The following TMEM151B variants were observed in gnomAD, a reference collection of about 807,000 sequenced individuals.
TMEM151B encodes transmembrane protein 151B.
A neutral mutation model predicts 33.0 loss-of-function variants in TMEM151B; 18 were observed. That is an observed-to-expected ratio of 0.55 (90% CI 0.38 to 0.81). The LOEUF is 0.81. Among genes scored for constraint, TMEM151B ranks in the 30% least tolerant of loss-of-function variants. The pLI, the probability that TMEM151B is intolerant of heterozygous loss-of-function variation, is 0.00. For synonymous variants in TMEM151B, 354 were observed against 373.6 expected (o/e 0.95, Z 0.61); for missense variants, 672 against 843.4 (o/e 0.80, Z 2.52).
chr6:44,273,454 G>A lies in TMEM151B; in HGVS notation c.524G>A (p.Arg175His), dbSNP rs992986941. The A allele has an allele frequency of 4.5e-6, 7 of 1,550,626 alleles. No individual in the cohort carries two copies. Among genetic ancestry groups the A allele is most frequent in the African/African-American group, 1.4e-5 (1 of 73,066 alleles). The change falls in exon 2 of 3, where the codon CGC (arginine) becomes CAC (histidine). Residue 175 changes from arginine (R) to histidine (H), a missense_variant. Physicochemically the swap from Arg to His is conservative, Grantham distance 29. Coordinates refer to ENST00000451188, the MANE Select transcript of TMEM151B (RefSeq NM_001137560.2). ...WKAISYHYVR[R>H]TRQVTRYRNG... Reference sequence around the variant, plus strand: ...GCCATCAGCTACCACTATGTCCGCCGCACCCGCCAGGTCACCAGATACCGC... The same window carrying A: ...GCCATCAGCTACCACTATGTCCGCCACACCCGCCAGGTCACCAGATACCGC...
rs1782629949 is a variant in TMEM151B at position 44,277,273 on chromosome 6, AGT to A, written c.*748_*749del. Reference sequence around the variant, plus strand: ...TCCTGCAGAGCTGTTGCCAGGGTGCAGTGGGGAGGGGAGTGAAATGTGGAGGA... The same window carrying A: ...TCCTGCAGAGCTGTTGCCAGGGTGCAGGGGAGGGGAGTGAAATGTGGAGGA... On this transcript the variant is annotated 3_prime_UTR_variant, in exon 3 of 3. Transcript: ENST00000451188. The A allele has an allele frequency of 6.6e-6, 1 of 152,354 alleles. No individual in the cohort carries two copies. The highest frequency in any genetic ancestry group is 2.4e-5 in the African/African-American group (1 of 41,472). 9.4% of individuals were successfully genotyped at this position (152,354 alleles called of 1,614,324 possible). A position where few individuals can be genotyped will look rare whatever the true frequency, so the allele number is the denominator to read the frequency against.
At position 44,276,363 on chromosome 6, in the gene TMEM151B, A is replaced by T. The variant is rs1333703776; in HGVS notation, c.1537A>T (p.Met513Leu). ...GACGCGGCTGTCCAGCCAGGCCAGC[A>T]TGGGGGACGACGAGGACGACGACGA... ...EQTRLSSQAS[M>L]GDDEDDDEEE... The change falls in exon 3 of 3, where the codon ATG (methionine) becomes TTG (leucine). Residue 513 changes from methionine (M) to leucine (L), a missense_variant. Met to Leu is a conservative substitution (Grantham distance 15). Coordinates refer to ENST00000451188, the MANE Select transcript of TMEM151B (RefSeq NM_001137560.2). 1 of 1,510,218 alleles carries T rather than the reference A, an allele frequency of 6.6e-7. No individual in the cohort carries two copies. Among genetic ancestry groups the T allele is most frequent in the African/African-American group, 1.4e-5 (1 of 70,476 alleles). The allele number at this position is 1,510,218 out of a possible 1,614,324, so 93.6% of individuals were successfully genotyped here.
chr6:44,276,068 C>T lies in TMEM151B; in HGVS notation c.1242C>T (p.Arg414=). ...GCGGCGGCTACGCGCCCTCGTGCCG[C>T]TACGGTGGGGTAGGCGGCCCGGGCG... ...GAGGGYAPSC[R]YGGVGGPGAA... The change falls in exon 3 of 3, where the codon CGC becomes CGT. Residue 414 remains arginine (R), a synonymous_variant. Transcript: ENST00000451188. The T allele has an allele frequency of 1.5e-6, 2 of 1,335,600 alleles. No homozygotes were observed. The allele number at this position is 1,335,600 out of a possible 1,614,324, so 82.7% of individuals were successfully genotyped here.
chr6:44,271,774 T>A (rs558397844), intron 1 of TMEM151B, among the ~76,000 whole-genome samples: 135 of 152,308 alleles, frequency 8.9e-4, no homozygotes, highest in Admixed American at 2.0e-3. Flanking sequence ...CAGGGACCGA[T>A]GCCTATTACT....
chr6:44,279,130 C>T lies in TMEM151B; in HGVS notation c.*2603C>T, dbSNP rs1231510445. 1 of 152,328 alleles carries T rather than the reference C, an allele frequency of 6.6e-6. No individual in the cohort carries two copies. The highest frequency in any genetic ancestry group is 2.4e-5 in the African/African-American group (1 of 41,462). 9.4% of individuals were successfully genotyped at this position (152,328 alleles called of 1,614,324 possible). A position where few individuals can be genotyped will look rare whatever the true frequency, so the allele number is the denominator to read the frequency against. ...TGGAGGCTCTGGGCCAATGAATCAG[C>T]CCAAGGAGGATGGGCAATGGCGCTC... On this transcript the variant is annotated 3_prime_UTR_variant, in exon 3 of 3. Coordinates refer to ENST00000451188, the MANE Select transcript of TMEM151B (RefSeq NM_001137560.2).
chr6:44,275,866 G>T lies in TMEM151B; in HGVS notation c.1040G>T (p.Gly347Val). The change falls in exon 3 of 3, where the codon GGC becomes GTC. Residue 347 changes from glycine (G) to valine (V), a missense_variant. Transcript: ENST00000451188. ...GPGSASSAGG[G>V]LSPSDELLPP... ...GGCTCGGCCAGCAGCGCAGGCGGTG[G>T]CCTCAGCCCCAGCGATGAGCTGCTG... 1 of 1,541,234 alleles carries T rather than the reference G, an allele frequency of 6.5e-7. No individual in the cohort carries two copies.
rs1267430513 is a variant in TMEM151B at position 44,273,290 on chromosome 6, G to A, written c.360G>A (p.Leu120=). The A allele has an allele frequency of 8.4e-6, 13 of 1,551,672 alleles. No individual in the cohort carries two copies. In the East Asian group the frequency reaches 2.9e-4, roughly 35 times the overall value. ...ATGTCTACATCCCCCTGGCCTTCCTGCTCATGTTGTACGCCGTCTACCTGG... is the reference window on the plus strand; with the variant it reads ...ATGTCTACATCCCCCTGGCCTTCCTACTCATGTTGTACGCCGTCTACCTGG... ...NGYVYIPLAF[L]LMLYAVYLVE... Residue 120 remains leucine, a synonymous_variant, in exon 2 of 3, where the codon CTG becomes CTA. Transcript: ENST00000451188.
chr6:44,276,502 G>T lies in TMEM151B; in HGVS notation c.1676G>T (p.Gly559Val). 7.1e-7 allele frequency: 1 copy of T among 1,413,984 alleles called. No individual in the cohort carries two copies. The highest frequency in any genetic ancestry group is 9.3e-7 in the Non-Finnish European group (1 of 1,079,678). The allele number at this position is 1,413,984 out of a possible 1,614,324, so 87.6% of individuals were successfully genotyped here. A position where few individuals can be genotyped will look rare whatever the true frequency, so the allele number is the denominator to read the frequency against. ...AGCCACCGGCCGCTGCACCGCCACG[G>T]CTCCTGCGTAGAGACCTCACTGTGA... ...GHSHRPLHRH[G>V]SCVETSL is the part of the protein sequence containing the mutation. Residue 559 changes from glycine to valine, a missense_variant, in exon 3 of 3, where the codon GGC (glycine) becomes GTC (valine). Physicochemically the swap from Gly to Val is moderately radical, Grantham distance 109. Around this residue, in one of 3 missense-constraint regions of TMEM151B, gnomAD observed 324 missense variants for 363.1 expected, o/e 0.89. Transcript: ENST00000451188.
Position 44,273,193 on chromosome 6 carries a change from C to T in TMEM151B, c.263C>T (p.Thr88Met), listed in dbSNP as rs202206395. Residue 88 changes from threonine to methionine, a missense_variant, in exon 2 of 3, where the codon ACG becomes ATG. Coordinates refer to ENST00000451188, the MANE Select transcript of TMEM151B (RefSeq NM_001137560.2). Reference protein sequence around the residue: ...AVAWCHVTTVTRLTFSSAYQG... With the variant: ...AVAWCHVTTVMRLTFSSAYQG... ...GCCTGGTGCCACGTCACCACAGTGA[C>T]GCGCCTCACCTTCAGCAGCGCCTAC... 1.5e-5 allele frequency: 23 copies of T among 1,549,408 alleles called. No homozygotes were observed. The highest frequency in any genetic ancestry group is 2.0e-5 in the Admixed American group (1 of 50,950).
chr6:44,273,720 C>G (rs1490205315), intron 2 of TMEM151B, among the ~76,000 whole-genome samples: 1 of 152,254 alleles, frequency 6.6e-6, no homozygotes, highest in Admixed American at 6.5e-5. Flanking sequence ...GTATTTTACA[C>G]ACATCAAATC....
Position 44,270,458 on chromosome 6 carries a change from G to A in TMEM151B, c.-285G>A, listed in dbSNP as rs1257286690. The A allele has an allele frequency of 1.2e-5, 2 of 169,034 alleles. No individual in the cohort carries two copies. The highest frequency in any genetic ancestry group is 3.8e-4 in the South Asian group (2 of 5,266). The allele number at this position is 169,034 out of a possible 1,614,324, so 10.5% of individuals were successfully genotyped here. On this transcript the variant is annotated 5_prime_UTR_variant, in exon 1 of 3. Transcript: ENST00000451188. ...TGGCTCCAGCTCGGCTCAGACAAAA[G>A]GCGGCGGCGGGAGCGGGCGGGAGGC...
At chr6:44,271,639 A>G (rs968768037) in intron 1 of TMEM151B, among the ~76,000 whole-genome samples, 2 of 152,080 alleles carry the variant, frequency 1.3e-5, no homozygotes, top group Non-Finnish European at 2.9e-5. Context: ...AGGCACACGA[A>G]GGGGCCCGTA....
Position 44,275,376 on chromosome 6 carries a change from C to T in TMEM151B, c.577-27C>T, listed in dbSNP as rs1230053093. 7.5e-6 allele frequency: 11 copies of T among 1,471,942 alleles called. No homozygotes were observed. The Admixed American group carries it at 1.4e-4, about 19-fold the overall frequency. The allele number at this position is 1,471,942 out of a possible 1,614,324, so 91.2% of individuals were successfully genotyped here. A position where few individuals can be genotyped will look rare whatever the true frequency, so the allele number is the denominator to read the frequency against. ...GGCACCAATGACGGGCTCCCCGCGACCCCGCCGCCTGCCCCCCGCGCCGCA... is the reference window on the plus strand; with the variant it reads ...GGCACCAATGACGGGCTCCCCGCGATCCCGCCGCCTGCCCCCCGCGCCGCA... On this transcript the variant is annotated intron_variant, in intron 2 of 2. Coordinates refer to ENST00000451188, the MANE Select transcript of TMEM151B (RefSeq NM_001137560.2).
At position 44,276,765 on chromosome 6, in the gene TMEM151B, T is replaced by C. The variant is rs1225849847; in HGVS notation, c.*238T>C. On this transcript the variant is annotated 3_prime_UTR_variant, in exon 3 of 3. Coordinates refer to ENST00000451188, the MANE Select transcript of TMEM151B (RefSeq NM_001137560.2). ...CCCCGAGATCCCCCTGGCAGAGTCA[T>C]TCTTCCAGCCCCAACCCTGAGTTCC... 2.5e-6 allele frequency: 2 copies of C among 809,480 alleles called. No homozygotes were observed. Among genetic ancestry groups the C allele is most frequent in the Non-Finnish European group, 3.3e-6 (2 of 606,624 alleles). 50.1% of individuals were successfully genotyped at this position (809,480 alleles called of 1,614,324 possible).
chr6:44,275,576 G>A lies in TMEM151B; in HGVS notation c.750G>A (p.Leu250=), dbSNP rs1421558192. ...GCGTGGAGGCCGAGAACGCGTACCTGTGCCAGCGCGCGCGCTTCTTCGCAG... is the reference window on the plus strand; with the variant it reads ...GCGTGGAGGCCGAGAACGCGTACCTATGCCAGCGCGCGCGCTTCTTCGCAG... ...FASVEAENAY[L]CQRARFFAEN... The change falls in exon 3 of 3, where the codon CTG becomes CTA. Residue 250 remains leucine, a synonymous_variant. Coordinates refer to ENST00000451188, the MANE Select transcript of TMEM151B (RefSeq NM_001137560.2). 1 of 1,550,972 alleles carries A rather than the reference G, an allele frequency of 6.4e-7. No individual in the cohort carries two copies. The highest frequency in any genetic ancestry group is 8.7e-7 in the Non-Finnish European group (1 of 1,146,696).
intron 2 of TMEM151B, among the ~76,000 whole-genome samples, chr6:44,275,136 A>G (rs1243240550): frequency 6.7e-6 from 1 of 148,874 alleles, no homozygotes; most frequent in African/African-American, 2.5e-5. Flanking sequence ...AAAAAAAAAA[A>G]GAAAAAGAAA....
Position 44,271,880 on chromosome 6 carries a change from TTGTGTGTGTGTG to T in TMEM151B, c.135+1020_135+1031del, listed in dbSNP as rs58355560. 2.2e-4 allele frequency among the ~76,000 whole-genome samples: 33 copies of T among 148,252 alleles called. No homozygotes were observed. The South Asian group carries it at 3.8e-3, about 17-fold the overall frequency. Reference sequence around the variant, plus strand: ...GGTAAGTCAGGATCCCAGCAGGAGGTTGTGTGTGTGTGTGTGTGTGTGTGTGTGGTGGGGGAT... The same window carrying T: ...GGTAAGTCAGGATCCCAGCAGGAGGTTGTGTGTGTGTGTGTGGTGGGGGAT... On this transcript the variant is annotated intron_variant, in intron 1 of 2. Transcript: ENST00000451188.
At chr6:44,273,589 G>A in intron 2 of TMEM151B, 83 bp downstream of exon 2, 1 of 1,412,632 alleles carries the variant, frequency 7.1e-7, no homozygotes, top group Non-Finnish European at 9.5e-7. Context: ...CACCTCCCTG[G>A]GGGGAAGGTG....
At chr6:44,275,253 T>C (rs1174105402) in intron 2 of TMEM151B, 150 bp from the exon 3 acceptor site, 18 of 1,402,574 alleles carry the variant, frequency 1.3e-5, no homozygotes, top group Middle Eastern at 2.6e-4. Context: ...GGAAAGATCC[T>C]AACCAGCTCC....
Sources: allele counts gnomAD v4.1 joint callset (sites outside exome capture counted in the v4.1 genomes callset), GRCh38; gene constraint gnomAD v4.1.1; regional missense constraint gnomAD v4.1.1; transcripts MANE v1.5; gene names NCBI Gene and HGNC (gene_info 2026-07-23, HGNC 2026-07-21).